Variants in SLC35F3 observed in about 807,000 individuals in gnomAD.
SLC35F3 encodes the protein putative thiamine transporter SLC35F3.
SLC35F3 carries 25 observed loss-of-function variants against 49.9 expected under a neutral mutation model. The observed-to-expected ratio is 0.50, with a 90% CI of 0.37 to 0.70. SLC35F3 has a LOEUF of 0.70. Among genes scored for constraint, SLC35F3 ranks in the 30% least tolerant of loss-of-function variants. The probability of loss-of-function intolerance (pLI) is 0.00; values close to 1 mark genes in which losing one functional copy is unlikely to be tolerated. For synonymous variants in SLC35F3, 275 were observed against 265.4 expected, an observed-to-expected ratio of 1.04 and a Z score of -0.35; for missense variants, 525 against 639.8, an observed-to-expected ratio of 0.82 and a Z score of 1.94.
chr1:234,108,148 G>A (rs1477103561), intron 2 of SLC35F3, among the ~76,000 whole-genome samples: 2 of 145,272 alleles, frequency 1.4e-5, no homozygotes, highest in African/African-American at 2.5e-5. Flanking sequence ...CCAACCTTGT[G>A]CAACATAGCG....
At chr1:234,125,756 A>G (rs1665636846) in intron 2 of SLC35F3, among the ~76,000 whole-genome samples, 1 of 152,148 alleles carries the variant, frequency 6.6e-6, no homozygotes, top group Non-Finnish European at 1.5e-5. Context: ...TGCATTGTTC[A>G]CATATTATAG....
At chr1:234,199,330 C>T (rs548655016) in intron 2 of SLC35F3, among the ~76,000 whole-genome samples, 4,568 of 152,184 alleles carry the variant, frequency 0.03, 232 homozygotes, top group African/African-American at 0.1. Flanking sequence ...CAGAAGTAAA[C>T]CCAAGTATTT....
intron 2 of SLC35F3, among the ~76,000 whole-genome samples, chr1:234,011,365 C>T (rs867532888): frequency 6.6e-6 from 1 of 152,086 alleles, no homozygotes; most frequent in Non-Finnish European, 1.5e-5. Flanking sequence ...TATTCCTCTG[C>T]ATTTGTATAA....
chr1:234,303,813 G>A (rs1257779511), intron 3 of SLC35F3, among the ~76,000 whole-genome samples: 1 of 151,918 alleles, frequency 6.6e-6, no homozygotes, highest in Non-Finnish European at 1.5e-5. Context: ...GCCTTGTTGT[G>A]GTTCTTTCTT....
chr1:234,239,343 G>T (rs1248257168), intron 3 of SLC35F3, among the ~76,000 whole-genome samples: 2 of 152,288 alleles, frequency 1.3e-5, no homozygotes, highest in East Asian at 3.9e-4. Flanking sequence ...TAACCAGTAT[G>T]CTCAGGCACC....
At chr1:233,943,225 G>T (rs910811955) in intron 2 of SLC35F3, among the ~76,000 whole-genome samples, 3 of 152,148 alleles carry the variant, frequency 2.0e-5, no homozygotes, top group Non-Finnish European at 4.4e-5. Flanking sequence ...ACCTTATTTG[G>T]CTTATAAGCT....
At chr1:234,117,137 C>A (rs1168138194) in intron 2 of SLC35F3, among the ~76,000 whole-genome samples, 3 of 152,162 alleles carry the variant, frequency 2.0e-5, no homozygotes, top group Non-Finnish European at 4.4e-5. Context: ...GTAACCCAAG[C>A]TGTAGAATTT....
intron 2 of SLC35F3, among the ~76,000 whole-genome samples, chr1:234,093,094 C>T (rs1273330666): frequency 6.6e-6 from 1 of 152,166 alleles, no homozygotes; most frequent in Non-Finnish European, 1.5e-5. Context: ...ATCTTTGGGC[C>T]TCAATTTCCT....
intron 2 of SLC35F3, among the ~76,000 whole-genome samples, chr1:234,094,573 G>A (rs1441941513): frequency 1.3e-5 from 2 of 152,158 alleles, no homozygotes; most frequent in East Asian, 3.9e-4. Flanking sequence ...TGATTGATGG[G>A]CCATTATTAG....
chr1:234,225,141 A>G (rs1223180460), intron 2 of SLC35F3, among the ~76,000 whole-genome samples: 1 of 152,232 alleles, frequency 6.6e-6, no homozygotes, highest in Non-Finnish European at 1.5e-5. Context: ...TGGGGCATGT[A>G]GTTGGCCTTA....
chr1:234,283,002 G>A (rs1668353792), intron 3 of SLC35F3, among the ~76,000 whole-genome samples: 2 of 152,328 alleles, frequency 1.3e-5, no homozygotes, highest in South Asian at 2.1e-4. Context: ...GCCAAACCAC[G>A]AGGTGCTGTT....
At chr1:233,990,119 A>G (rs1295825959) in intron 2 of SLC35F3, among the ~76,000 whole-genome samples, 1 of 152,208 alleles carries the variant, frequency 6.6e-6, no homozygotes, top group Non-Finnish European at 1.5e-5. Flanking sequence ...CTAGTAATAA[A>G]GAAAAAATTT....
At chr1:234,250,653 CAAAAA>C (rs35486350) in intron 3 of SLC35F3, among the ~76,000 whole-genome samples, 1 of 81,480 alleles carries the variant, frequency 1.2e-5, no homozygotes. Flanking sequence ...GACTCCGTCT[CAAAAA>C]AAAAAAAAAA....
chr1:234,248,986 G>T (rs1045079731), intron 3 of SLC35F3, among the ~76,000 whole-genome samples: 11 of 152,216 alleles, frequency 7.2e-5, no homozygotes, highest in Admixed American at 2.6e-4. Flanking sequence ...AGCAAATCCA[G>T]AGGGAGTAGA....
chr1:233,972,415 A>G (rs754998394), intron 2 of SLC35F3, among the ~76,000 whole-genome samples: 1 of 152,190 alleles, frequency 6.6e-6, no homozygotes, highest in Non-Finnish European at 1.5e-5. Flanking sequence ...CTGTTCCTAG[A>G]TGGGTATAAA....
At chr1:234,253,679 G>A (rs487890) in intron 3 of SLC35F3, among the ~76,000 whole-genome samples, 121,834 of 152,178 alleles carry the variant, frequency 0.8, 49,135 homozygotes, top group African/African-American at 0.9. Flanking sequence ...AACCAAGAGC[G>A]TCAGTATGAC....
intron 2 of SLC35F3, among the ~76,000 whole-genome samples, chr1:233,934,272 T>C (rs1662291154): frequency 6.6e-6 from 1 of 152,220 alleles, no homozygotes; most frequent in Non-Finnish European, 1.5e-5. Context: ...CAGGGGTTAA[T>C]ATTCAGTTCC....
rs889241156 is a variant in SLC35F3 at position 234,116,836 on chromosome 1, G to C, written c.284-114581G>C. On this transcript the variant is annotated intron_variant, in intron 2 of 7. Transcript: ENST00000366618. ...GCCTAGAGCCCCTTTTAAGCTGGGG[G>C]TTTTGTTCTTTTTACATATTCCCAT... Among the ~76,000 whole-genome samples the C allele has an allele frequency of 1.3e-4, 20 of 152,126 alleles. 1 individual carries two copies. The highest frequency in any genetic ancestry group is 4.6e-4 in the African/African-American group (19 of 41,424).
At chr1:233,971,396 A>G (rs1262635436) in intron 2 of SLC35F3, among the ~76,000 whole-genome samples, 1 of 152,240 alleles carries the variant, frequency 6.6e-6, no homozygotes, top group Non-Finnish European at 1.5e-5. Flanking sequence ...CTTCAGGTCA[A>G]ATCCTATGAA....
Sources: gnomAD v4.1 joint callset for allele counts (sites outside exome capture counted in the v4.1 genomes callset) on GRCh38, gnomAD v4.1.1 for gene constraint, MANE v1.5 for transcripts, NCBI Gene and HGNC (gene_info 2026-07-23, HGNC 2026-07-21) for gene names.